The following RFX4 variants were observed in gnomAD, a reference collection of about 807,000 sequenced individuals.
The protein encoded by RFX4 is transcription factor RFX4.
A neutral mutation model predicts 95.0 loss-of-function variants in RFX4; 10 were observed. The ratio of observed to expected loss-of-function variants is 0.11; its 90% CI spans 0.06 to 0.18. The LOEUF is 0.18. RFX4 is among the 10% of genes least tolerant of loss of function. RFX4 has a pLI of 1.00. For synonymous variants in RFX4, 321 were observed against 340.7 expected, an observed-to-expected ratio of 0.94 and a Z score of 0.64; for missense variants, 640 against 922.0, an observed-to-expected ratio of 0.69 and a Z score of 3.96.
chr12:106,733,607 T>C (rs1409398390), intron 15 of RFX4: 2 of 152,546 alleles, frequency 1.3e-5, no homozygotes, highest in Non-Finnish European at 2.9e-5. Flanking sequence ...TGCTTTCTTT[T>C]TCTCTGGAAA....
chr12:106,748,234 C>T (rs886901007), intron 16 of RFX4, among the ~76,000 whole-genome samples: 6 of 152,202 alleles, frequency 3.9e-5, no homozygotes, highest in Admixed American at 2.6e-4. Context: ...TCCCTCTTTA[C>T]TCCTTTAACG....
At chr12:106,601,046 C>G (rs1241557295) in intron 1 of RFX4, 1 of 1,089,118 alleles carries the variant, frequency 9.2e-7, no homozygotes, top group Non-Finnish European at 1.2e-6. Context: ...GGTTCTAAAT[C>G]AATATTTGGT....
intron 11 of RFX4, among the ~76,000 whole-genome samples, chr12:106,717,315 C>G (rs1195806265): frequency 6.6e-6 from 1 of 152,230 alleles, no homozygotes; most frequent in African/African-American, 2.4e-5. Flanking sequence ...ACTCAGTTCT[C>G]TTCCCGCCTC....
chr12:106,682,343 G>T (rs1486786802), intron 5 of RFX4: 2 of 455,286 alleles, frequency 4.4e-6, no homozygotes, highest in South Asian at 3.2e-5. Flanking sequence ...ATCATTGAAA[G>T]GATTGCCTTG....
At position 106,608,845 on chromosome 12, in the gene RFX4, C is replaced by T; in HGVS notation, c.92C>T (p.Ser31Phe). The T allele has an allele frequency of 6.2e-7, 1 of 1,611,466 alleles. No individual in the cohort carries two copies. The highest frequency in any genetic ancestry group is 8.5e-7 in the Non-Finnish European group (1 of 1,179,378). ...CLNESENKRY[S>F]SHTSLGNVSN... ...AACGAAAGTGAAAACAAACGTTATTCCAGCCACACATCTCTGGGGAATGTT... is the reference window on the plus strand; with the variant it reads ...AACGAAAGTGAAAACAAACGTTATTTCAGCCACACATCTCTGGGGAATGTT... The change falls in exon 2 of 18, where the codon TCC (serine) becomes TTC (phenylalanine). Residue 31 changes from serine (S) to phenylalanine (F), a missense_variant. Around this residue, in one of 7 missense-constraint regions of RFX4, gnomAD observed 63 missense variants for 68.8 expected, o/e 0.92. Coordinates refer to ENST00000392842, the MANE Select transcript of RFX4 (RefSeq NM_213594.3).
At chr12:106,613,112 C>A (rs1402483515) in intron 2 of RFX4, among the ~76,000 whole-genome samples, 1 of 151,556 alleles carries the variant, frequency 6.6e-6, no homozygotes, top group African/African-American at 2.4e-5. Context: ...TTATTGAGTG[C>A]TTTTATCATA....
At chr12:106,677,583 C>A (rs1040821285) in intron 4 of RFX4, among the ~76,000 whole-genome samples, 2 of 152,110 alleles carry the variant, frequency 1.3e-5, no homozygotes, top group African/African-American at 4.8e-5. Context: ...GGTGCATGTA[C>A]CTGCAGTCCT....
chr12:106,627,312 C>T (rs1030083994), intron 2 of RFX4, among the ~76,000 whole-genome samples: 17 of 152,034 alleles, frequency 1.1e-4, no homozygotes, highest in East Asian at 3.9e-4. Context: ...CCGAGGCAGG[C>T]GGATCACTTG....
At chr12:106,641,971 C>CTATATCTATCTA (rs1565961011) in intron 3 of RFX4, among the ~76,000 whole-genome samples, 92 of 104,006 alleles carry the variant, frequency 8.8e-4, no homozygotes, top group African/African-American at 4.0e-3. Context: ...CTATATCTAT[C>CTATATCTATCTA]TATATCTATA....
At chr12:106,678,438 G>A (rs1229191193) in intron 4 of RFX4, among the ~76,000 whole-genome samples, 6 of 152,064 alleles carry the variant, frequency 3.9e-5, no homozygotes, top group Non-Finnish European at 4.4e-5. Flanking sequence ...AATTATCTAC[G>A]TATTGTTTAT....
intron 11 of RFX4, among the ~76,000 whole-genome samples, chr12:106,716,065 C>T (rs1592974244): frequency 6.6e-6 from 1 of 152,166 alleles, no homozygotes; most frequent in East Asian, 1.9e-4. Flanking sequence ...ATGCAGACTG[C>T]AGGTATACTG....
At chr12:106,617,639 G>A (rs1592855402) in intron 2 of RFX4, among the ~76,000 whole-genome samples, 1 of 152,172 alleles carries the variant, frequency 6.6e-6, no homozygotes, top group Admixed American at 6.5e-5. Context: ...GAGACTTAGT[G>A]TCTGTCCCAA....
At chr12:106,749,348 G>C (rs10778505) in intron 16 of RFX4, among the ~76,000 whole-genome samples, 54,831 of 151,742 alleles carry the variant, frequency 0.36, 9,978 homozygotes, top group South Asian at 0.4. Flanking sequence ...CAGTTGTGGG[G>C]GACATGGGAG....
chr12:106,732,103 T>G (rs1208949387), intron 13 of RFX4, 27 bp from the exon 14 acceptor site: 2 of 1,610,740 alleles, frequency 1.2e-6, no homozygotes, highest in East Asian at 4.5e-5. Context: ...CACGACTTAC[T>G]TTCTGTTTGA....
chr12:106,739,513 T>A (rs1335069630), intron 15 of RFX4, among the ~76,000 whole-genome samples: 1 of 152,240 alleles, frequency 6.6e-6, no homozygotes, highest in Non-Finnish European at 1.5e-5. Flanking sequence ...TAATGAGTTA[T>A]GACTCACTAG....
intron 2 of RFX4, among the ~76,000 whole-genome samples, chr12:106,623,037 CTTT>C (rs143790292): frequency 8.0e-4 from 96 of 120,324 alleles, no homozygotes; most frequent in South Asian, 4.4e-3. Context: ...CAGCATTAGT[CTTT>C]TTTTTTTTTT....
chr12:106,760,308 C>A (rs955355802), intron 17 of RFX4, among the ~76,000 whole-genome samples: 1 of 152,224 alleles, frequency 6.6e-6, no homozygotes, highest in African/African-American at 2.4e-5. Context: ...TCCCCTTCCT[C>A]CCCTCTGATC....
At chr12:106,749,101 AAAG>A (rs1269453611) in intron 16 of RFX4, among the ~76,000 whole-genome samples, 1 of 149,600 alleles carries the variant, frequency 6.7e-6, no homozygotes, top group Non-Finnish European at 1.5e-5. Context: ...AAAAAAAAGA[AAAG>A]AAAAATTAGC....
At chr12:106,612,255 A>G (rs2039975999) in intron 2 of RFX4, among the ~76,000 whole-genome samples, 1 of 152,138 alleles carries the variant, frequency 6.6e-6, no homozygotes, top group African/African-American at 2.4e-5. Context: ...ATGTCTTTCC[A>G]TTTATTTGGT....
Sources: allele counts gnomAD v4.1 joint callset (sites outside exome capture counted in the v4.1 genomes callset), GRCh38; gene constraint gnomAD v4.1.1; regional missense constraint gnomAD v4.1.1; transcripts MANE v1.5; gene names NCBI Gene and HGNC (gene_info 2026-07-23, HGNC 2026-07-21).